MEIS1: variants seen among roughly 807,000 people sequenced by gnomAD.
MEIS1 encodes the protein Meis homeobox 1, also known as homeobox protein Meis1.
A neutral mutation model predicts 50.8 loss-of-function variants in MEIS1; 5 were observed. The ratio of observed to expected loss-of-function variants is 0.10; its 90% CI spans 0.05 to 0.21. MEIS1 has a LOEUF of 0.21. Ranked by LOEUF, MEIS1 falls within the 10% of genes least tolerant of loss-of-function variation. The pLI, the probability that MEIS1 is intolerant of heterozygous loss-of-function variation, is 1.00. For missense variants in MEIS1, 318 were observed against 517.3 expected (o/e 0.61, Z 3.74); for synonymous variants, 176 against 179.3 (o/e 0.98, Z 0.15).
chr2:66,442,270 T>C (rs868065474), intron 5 of MEIS1, among the ~76,000 whole-genome samples: 7 of 114,550 alleles, frequency 6.1e-5, no homozygotes, highest in Non-Finnish European at 1.3e-4. Flanking sequence ...CTCCTTTTTG[T>C]AAAAAAAAAA....
At chr2:66,511,436 C>T (rs1673827665) in intron 7 of MEIS1, among the ~76,000 whole-genome samples, 1 of 152,008 alleles carries the variant, frequency 6.6e-6, no homozygotes, top group Non-Finnish European at 1.5e-5. Flanking sequence ...GTTTACCTAG[C>T]ATGAATTTTA....
At chr2:66,542,322 T>C (rs994937562) in intron 8 of MEIS1, among the ~76,000 whole-genome samples, 1 of 152,000 alleles carries the variant, frequency 6.6e-6, no homozygotes, top group Non-Finnish European at 1.5e-5. Context: ...CCCCATCACA[T>C]ACCAGAGTTT....
chr2:66,476,151 T>C (rs1456401180), intron 7 of MEIS1, among the ~76,000 whole-genome samples: 1 of 152,100 alleles, frequency 6.6e-6, no homozygotes, highest in Non-Finnish European at 1.5e-5. Flanking sequence ...ATGGTTAGAA[T>C]GGAGATGCTG....
intron 6 of MEIS1, among the ~76,000 whole-genome samples, chr2:66,458,924 T>C (rs1456952594): frequency 1.3e-5 from 2 of 152,240 alleles, no homozygotes; most frequent in African/African-American, 2.4e-5. Context: ...AATATATTTG[T>C]ATCTAATATA....
chr2:66,438,176 C>T (rs1030254872), intron 2 of MEIS1, among the ~76,000 whole-genome samples: 1 of 152,216 alleles, frequency 6.6e-6, no homozygotes, highest in Non-Finnish European at 1.5e-5. Context: ...GTGCCCTGCT[C>T]CACCATGGCA....
chr2:66,485,044 TTTG>T (rs945017543), intron 7 of MEIS1, among the ~76,000 whole-genome samples: 1 of 152,170 alleles, frequency 6.6e-6, no homozygotes, highest in Non-Finnish European at 1.5e-5. Flanking sequence ...AGATGATTTT[TTTG>T]TTGTTGTTTA....
At chr2:66,550,145 C>T (rs911723852) in intron 9 of MEIS1, among the ~76,000 whole-genome samples, 6 of 152,146 alleles carry the variant, frequency 3.9e-5, no homozygotes, top group Admixed American at 6.5e-5. Context: ...CAATTCTGCA[C>T]GGGTAAATAA....
At position 66,568,709 on chromosome 2, in the gene MEIS1, G is replaced by A. The variant is rs2103975904; in HGVS notation, c.1067G>A (p.Gly356Glu). ...TPYNPDGQPMGGFVMDGQQHM... is the reference protein window; with the variant it reads ...TPYNPDGQPMEGFVMDGQQHM... ...TATAATCCTGATGGACAGCCCATGG[G>A]AGGTTTCGTAATGGACGGTCAGCAA... The change falls in exon 11 of 13, where the codon GGA becomes GAA. Residue 356 changes from glycine (G) to glutamate (E), a missense_variant. By Grantham distance (98) the Gly-to-Glu change is moderately conservative. This residue lies in a region of MEIS1 where 54 missense variants were observed against 75.0 expected (regional missense o/e 0.72). Coordinates refer to ENST00000272369, the MANE Select transcript of MEIS1 (RefSeq NM_002398.3). 1 of 1,613,788 alleles carries A rather than the reference G, an allele frequency of 6.2e-7. No homozygotes were observed. The highest frequency in any genetic ancestry group is 8.5e-7 in the Non-Finnish European group (1 of 1,179,732).
At chr2:66,467,134 T>G (rs965397693) in intron 7 of MEIS1, among the ~76,000 whole-genome samples, 16 of 152,166 alleles carry the variant, frequency 1.1e-4, no homozygotes, top group Admixed American at 2.6e-4. Context: ...AAATAAGTTA[T>G]GCAGGAGATT....
At chr2:66,536,466 C>T (rs940807320) in intron 8 of MEIS1, among the ~76,000 whole-genome samples, 28 of 152,094 alleles carry the variant, frequency 1.8e-4, no homozygotes, top group Non-Finnish European at 3.4e-4. Context: ...TAATTATACC[C>T]GTAGCAATGC....
At chr2:66,503,739 T>C (rs1673615899) in intron 7 of MEIS1, among the ~76,000 whole-genome samples, 1 of 34,354 alleles carries the variant, frequency 2.9e-5, no homozygotes, top group Non-Finnish European at 5.7e-5. Context: ...ATGGGGCATT[T>C]TTTTTTTTTT....
At chr2:66,484,324 G>A (rs1027646149) in intron 7 of MEIS1, among the ~76,000 whole-genome samples, 1 of 152,076 alleles carries the variant, frequency 6.6e-6, no homozygotes, top group Non-Finnish European at 1.5e-5. Context: ...TTTTTTATGT[G>A]TACAGTGTTG....
chr2:66,483,492 G>C (rs900159549), intron 7 of MEIS1, among the ~76,000 whole-genome samples: 1 of 152,136 alleles, frequency 6.6e-6, no homozygotes, highest in East Asian at 1.9e-4. Context: ...TTTGTGTCAG[G>C]ACAGAGGGCA....
In MEIS1 at chr2:66,439,909, C is replaced by A; in HGVS notation, c.306C>A (p.Arg102=). ...EKCELATCTP[R]EPGVAGGDVC... is the part of the protein sequence containing the mutation. ...GTGAATTAGCTACTTGTACCCCCCG[C>A]GAGCCGGGGGTGGCGGGCGGGGACG... is the stretch of plus-strand genomic sequence containing the variant. Residue 102 remains arginine (R), a synonymous_variant, in exon 3 of 13, where the codon CGC becomes CGA. Coordinates refer to ENST00000272369, the MANE Select transcript of MEIS1 (RefSeq NM_002398.3). 2 of 1,613,700 alleles carry A rather than the reference C, an allele frequency of 1.2e-6. No individual in the cohort carries two copies. The highest frequency in any genetic ancestry group is 1.7e-6 in the Non-Finnish European group (2 of 1,179,784).
intron 6 of MEIS1, among the ~76,000 whole-genome samples, chr2:66,456,328 T>A (rs1280282139): frequency 6.6e-6 from 1 of 152,070 alleles, no homozygotes; most frequent in Non-Finnish European, 1.5e-5. Flanking sequence ...CCTCATTTGA[T>A]GCTGAAGTGT....
intron 10 of MEIS1, chr2:66,567,809 C>A: frequency 1.7e-6 from 1 of 577,238 alleles, no homozygotes; most frequent in East Asian, 2.9e-5. Flanking sequence ...TCTGAGTTTG[C>A]CTTCCCAGCT....
At chr2:66,520,386 C>G (rs1002798094) in intron 8 of MEIS1, among the ~76,000 whole-genome samples, 2 of 151,114 alleles carry the variant, frequency 1.3e-5, no homozygotes, top group African/African-American at 4.9e-5. Context: ...GAGGCTGAGG[C>G]AGGAGAATGG....
chr2:66,437,654 C>A, intron 1 of MEIS1, 83 bp from the exon 2 acceptor site: 1 of 1,251,402 alleles, frequency 8.0e-7, no homozygotes, highest in South Asian at 1.3e-5. Flanking sequence ...CTGTATTGAC[C>A]TTATATAAGC....
intron 8 of MEIS1, among the ~76,000 whole-genome samples, chr2:66,540,835 T>C (rs1227196970): frequency 6.6e-6 from 1 of 152,098 alleles, no homozygotes; most frequent in African/African-American, 2.4e-5. Context: ...ATGAAGAATA[T>C]ATCTAAAACA....
Sources: allele counts gnomAD v4.1 joint callset (sites outside exome capture counted in the v4.1 genomes callset), GRCh38; gene constraint gnomAD v4.1.1; regional missense constraint gnomAD v4.1.1; transcripts MANE v1.5; gene names NCBI Gene and HGNC (gene_info 2026-07-23, HGNC 2026-07-21).